The following ZNF415 variants were observed in gnomAD, a reference collection of about 807,000 sequenced individuals.
ZNF415 encodes the protein zinc finger protein 415.
In ZNF415, 5 loss-of-function variants were observed where a neutral mutation model predicts 7.3. The observed-to-expected ratio is 0.69, with a 90% CI of 0.36 to 1.44. ZNF415 has a LOEUF of 1.44. Among genes scored for constraint, ZNF415 ranks in the 40% most tolerant of loss-of-function variants. ZNF415 has a pLI of 0.04. For missense variants in ZNF415, 628 were observed against 664.8 expected, an observed-to-expected ratio of 0.94 and a Z score of 0.61; for synonymous variants, 207 against 226.3, an observed-to-expected ratio of 0.91 and a Z score of 0.77.
chr19:53,120,021 CCTT>C, intron 2 of ZNF415, among the ~76,000 whole-genome samples: 1 of 151,956 alleles, frequency 6.6e-6, no homozygotes, highest in South Asian at 2.1e-4. Context: ...AGGGAATTCT[CCTT>C]AACTCATTCT....
At position 53,108,897 on chromosome 19, in the gene ZNF415, G is replaced by C; in HGVS notation, c.1148C>G (p.Pro383Arg). 2 of 1,614,090 alleles carry C rather than the reference G, an allele frequency of 1.2e-6. No individual in the cohort carries two copies. Among genetic ancestry groups the C allele is most frequent in the Non-Finnish European group, 1.7e-6 (2 of 1,179,992 alleles). ...THQRIHTGEK[P>R]YKCNECGKVF... ...TTTACCACATTCATTACACTTGTATGGTTTCTCCCCAGTGTGAATTCTCTG... is the reference window on the plus strand; with the variant it reads ...TTTACCACATTCATTACACTTGTATCGTTTCTCCCCAGTGTGAATTCTCTG... The change falls in exon 4 of 4, where the codon CCA (proline) becomes CGA (arginine). Residue 383 changes from proline to arginine, a missense_variant. By Grantham distance (103) the Pro-to-Arg change is moderately radical (BLOSUM62 -2). Coordinates refer to ENST00000243643, the MANE Select transcript of ZNF415 (RefSeq NM_018355.4).
chr19:53,116,178 T>G (rs758124807), intron 3 of ZNF415, 135 bp downstream of exon 3: 1 of 1,046,546 alleles, frequency 9.6e-7, no homozygotes, highest in Middle Eastern at 2.1e-4. Flanking sequence ...GAGTTCACAT[T>G]ATGGAGCTTT....
chr19:53,116,773 G>A (rs1320855468), intron 2 of ZNF415, among the ~76,000 whole-genome samples: 1 of 151,680 alleles, frequency 6.6e-6, no homozygotes, highest in African/African-American at 2.4e-5. Flanking sequence ...TGTGTACAAA[G>A]TACATTTGAA....
intron 2 of ZNF415, among the ~76,000 whole-genome samples, 197 bp from the exon 3 acceptor site, chr19:53,116,630 G>GTTTTTTTTTTTTTTTTT (rs2087100870): frequency 4.0e-5 from 4 of 100,662 alleles, no homozygotes; most frequent in African/African-American, 1.8e-4. Flanking sequence ...TTTTTTTTTG[G>GTTTTTTTTTTTTTTTTT]TTTGAGACAA....
intron 1 of ZNF415, among the ~76,000 whole-genome samples, chr19:53,127,474 C>T (rs575520834): frequency 6.6e-6 from 1 of 152,316 alleles, no homozygotes; most frequent in East Asian, 1.9e-4. Context: ...CCACCAAAGC[C>T]TACCAATAAA....
rs943787891 is a variant in ZNF415 at position 53,121,227 on chromosome 19, C to T, written c.15+1435G>A. 3.6e-4 allele frequency among the ~76,000 whole-genome samples: 54 copies of T among 150,066 alleles called. 1 individual carries two copies. The highest frequency in any genetic ancestry group is 8.0e-4 in the Admixed American group (12 of 14,964). Reference sequence around the variant, plus strand: ...TGGCCAACATAGTGAAACCCCATCTCTACAAAAATTAGCCAGGCATAGTGG... The same window carrying T: ...TGGCCAACATAGTGAAACCCCATCTTTACAAAAATTAGCCAGGCATAGTGG... On this transcript the variant is annotated intron_variant, in intron 2 of 3. Transcript: ENST00000243643.
intron 2 of ZNF415, among the ~76,000 whole-genome samples, chr19:53,119,109 T>C (rs955769182): frequency 1.2e-4 from 18 of 151,878 alleles, no homozygotes; most frequent in African/African-American, 3.4e-4. Context: ...TGAACCCCGC[T>C]TCTACTAAAA....
At chr19:53,119,781 C>T (rs969782169) in intron 2 of ZNF415, among the ~76,000 whole-genome samples, 13 of 151,860 alleles carry the variant, frequency 8.6e-5, no homozygotes, top group Admixed American at 7.2e-4. Flanking sequence ...AATAACTACA[C>T]ACTAACAAAC....
In ZNF415 at chr19:53,109,405, T is replaced by C; in HGVS notation, c.640A>G (p.Lys214Glu). The C allele has an allele frequency of 6.2e-7, 1 of 1,614,180 alleles. No individual in the cohort carries two copies. Among genetic ancestry groups the C allele is most frequent in the Non-Finnish European group, 8.5e-7 (1 of 1,179,984 alleles). ...TCGCACTCAATATATCTGTAAGGTT[T>C]TTCCCTAATGCATGATTTCTGTTCT... ...TQEQKSCIRE[K>E]PYRYIECDKA... The change falls in exon 4 of 4, where the codon AAA (lysine) becomes GAA (glutamate). Residue 214 changes from lysine to glutamate, a missense_variant. Transcript: ENST00000243643.
intron 2 of ZNF415, among the ~76,000 whole-genome samples, chr19:53,120,534 T>C (rs937282644): frequency 1.3e-5 from 2 of 152,176 alleles, no homozygotes; most frequent in African/African-American, 4.8e-5. Flanking sequence ...AGGGATACTC[T>C]ATATCTAAGC....
intron 3 of ZNF415, among the ~76,000 whole-genome samples, chr19:53,114,980 AC>A (rs1407858261): frequency 6.6e-6 from 1 of 152,092 alleles, no homozygotes; most frequent in Non-Finnish European, 1.5e-5. Context: ...AGGCATCAGG[AC>A]TGTGGAGGCC....
At chr19:53,119,335 C>G (rs1289562959) in intron 2 of ZNF415, among the ~76,000 whole-genome samples, 1 of 149,256 alleles carries the variant, frequency 6.7e-6, no homozygotes, top group East Asian at 2.0e-4. Context: ...ATCCCAGCTA[C>G]TCTGGAGGCC....
intron 3 of ZNF415, among the ~76,000 whole-genome samples, chr19:53,110,215 A>C (rs916393911): frequency 6.6e-6 from 1 of 152,178 alleles, no homozygotes; most frequent in Non-Finnish European, 1.5e-5. Flanking sequence ...CAAAGTACAC[A>C]CCAATTGGCA....
intron 1 of ZNF415, among the ~76,000 whole-genome samples, chr19:53,131,673 C>T (rs757169389): frequency 6.6e-6 from 1 of 151,864 alleles, no homozygotes; most frequent in Non-Finnish European, 1.5e-5. Context: ...TGCTCCTCCC[C>T]GTCTTCCCTC....
At chr19:53,115,767 C>T in intron 3 of ZNF415, 1 of 1,550,484 alleles carries the variant, frequency 6.4e-7, no homozygotes, top group South Asian at 1.2e-5. Context: ...ACTTGGCTTT[C>T]TATGGTCCAG....
At chr19:53,130,830 G>A (rs1433537474) in intron 1 of ZNF415, among the ~76,000 whole-genome samples, 3 of 151,988 alleles carry the variant, frequency 2.0e-5, no homozygotes, top group Non-Finnish European at 4.4e-5. Context: ...ATTTTTAGTA[G>A]AGATGGGGTT....
At chr19:53,111,065 C>T (rs1421325816) in intron 3 of ZNF415, among the ~76,000 whole-genome samples, 3 of 152,110 alleles carry the variant, frequency 2.0e-5, no homozygotes, top group Non-Finnish European at 2.9e-5. Context: ...GGCCAAAATT[C>T]GTATGCTAAG....
Position 53,108,344 on chromosome 19 carries a change from A to C in ZNF415, c.*33T>G. On this transcript the variant is annotated 3_prime_UTR_variant, in exon 4 of 4. Coordinates refer to ENST00000243643, the MANE Select transcript of ZNF415 (RefSeq NM_018355.4). Reference sequence around the variant, plus strand: ...TGATATAAATTCTTTGATGACTCACAGGATTTAAACTTTGACTGAAGACCT... The same window carrying C: ...TGATATAAATTCTTTGATGACTCACCGGATTTAAACTTTGACTGAAGACCT... 1.9e-6 allele frequency: 3 copies of C among 1,551,094 alleles called. No individual in the cohort carries two copies. Among genetic ancestry groups the C allele is most frequent in the Non-Finnish European group, 2.6e-6 (3 of 1,152,140 alleles).
intron 1 of ZNF415, chr19:53,123,623 A>G: frequency 1.0e-5 from 4 of 398,930 alleles, no homozygotes; most frequent in East Asian, 3.6e-5. Flanking sequence ...GGGAGCGAGG[A>G]GGACACAGGC....
Sources: allele counts gnomAD v4.1 joint callset (sites outside exome capture counted in the v4.1 genomes callset), GRCh38; gene constraint gnomAD v4.1.1; transcripts MANE v1.5; gene names NCBI Gene and HGNC (gene_info 2026-07-23, HGNC 2026-07-21).